Variants in STK35 observed in about 807,000 individuals in gnomAD.
STK35 encodes serine/threonine kinase 35, also known as serine/threonine-protein kinase 35.
A neutral mutation model predicts 37.3 loss-of-function variants in STK35; 17 were observed. That is an observed-to-expected ratio of 0.46 (90% CI 0.31 to 0.68). The LOEUF (loss-of-function observed/expected upper bound fraction) is 0.68, where lower values mean the gene tolerates loss of function less well. Among genes scored for constraint, STK35 ranks in the 30% least tolerant of loss-of-function variants. The probability of loss-of-function intolerance (pLI) is 0.05; values close to 1 mark genes in which losing one functional copy is unlikely to be tolerated. For synonymous variants in STK35, 385 were observed against 319.1 expected (o/e 1.21, Z -2.20); for missense variants, 595 against 746.7 (o/e 0.80, Z 2.37).
At chr20:2,138,865 A>G (rs923952629) in intron 3 of STK35, among the ~76,000 whole-genome samples, 15 of 152,266 alleles carry the variant, frequency 9.9e-5, no homozygotes, top group Admixed American at 6.5e-4. Context: ...CCCTACAAAA[A>G]TAAAAATTAA....
Position 2,145,823 on chromosome 20 carries a change from A to G in STK35, c.*2077A>G, listed in dbSNP as rs1435474575. On this transcript the variant is annotated 3_prime_UTR_variant, in exon 4 of 4. Coordinates refer to ENST00000381482, the MANE Select transcript of STK35 (RefSeq NM_080836.4). ...TCTGTACATGAGCAAATGGGCAAAA[A>G]CAGTCCCCAAACCCAGCACCCCCCT... 3.3e-5 allele frequency: 5 copies of G among 151,862 alleles called. No homozygotes were observed. Among genetic ancestry groups the G allele is most frequent in the Non-Finnish European group, 5.9e-5 (4 of 68,012 alleles). 9.4% of individuals were successfully genotyped at this position (151,862 alleles called of 1,614,324 possible). A position where few individuals can be genotyped will look rare whatever the true frequency, so the allele number is the denominator to read the frequency against.
rs1442808123 is a variant in STK35, at chr20:2,103,100, G to A, written c.627G>A (p.Gly209=). The change falls in exon 2 of 4, where the codon GGG becomes GGA. Residue 209 remains glycine, a synonymous_variant. Coordinates refer to ENST00000381482, the MANE Select transcript of STK35 (RefSeq NM_080836.4). ...GTTACAGCCTGTTGGCGGAGATCGG[G>A]CGCGGCAGCTACGGCGTGGTTTATG... ...RPRYSLLAEI[G]RGSYGVVYEA... is the part of the protein sequence containing the mutation. The A allele has an allele frequency of 6.2e-7, 1 of 1,600,106 alleles. No homozygotes were observed. The highest frequency in any genetic ancestry group is 8.5e-7 in the Non-Finnish European group (1 of 1,178,630).
chr20:2,109,967 C>T (rs1457207946), intron 2 of STK35, among the ~76,000 whole-genome samples: 2 of 152,202 alleles, frequency 1.3e-5, no homozygotes, highest in Non-Finnish European at 2.9e-5. Context: ...CTGTGTTTTG[C>T]CCTGGCAGCC....
chr20:2,141,728 T>C (rs936024153), intron 3 of STK35, among the ~76,000 whole-genome samples: 38 of 152,326 alleles, frequency 2.5e-4, no homozygotes, highest in African/African-American at 8.7e-4. Flanking sequence ...TTTACATAGT[T>C]ATGGTCATGC....
intron 3 of STK35, among the ~76,000 whole-genome samples, chr20:2,124,996 C>A (rs546471484): frequency 2.6e-5 from 4 of 151,672 alleles, no homozygotes; most frequent in Admixed American, 2.0e-4. Flanking sequence ...GATCATCTGT[C>A]CCTTGCAGCT....
chr20:2,140,741 A>C (rs549313777), intron 3 of STK35, among the ~76,000 whole-genome samples: 4 of 152,280 alleles, frequency 2.6e-5, no homozygotes, highest in African/African-American at 7.2e-5. Flanking sequence ...CCTTTGGGAA[A>C]TGTCAGCTTC....
At chr20:2,118,752 G>T (rs1985765331) in intron 3 of STK35, among the ~76,000 whole-genome samples, 2 of 152,198 alleles carry the variant, frequency 1.3e-5, no homozygotes, top group South Asian at 4.1e-4. Flanking sequence ...ATGTTATAGT[G>T]CATATTATGG....
chr20:2,107,209 C>T (rs1600598948), intron 2 of STK35, among the ~76,000 whole-genome samples: 1 of 152,344 alleles, frequency 6.6e-6, no homozygotes, highest in East Asian at 1.9e-4. Flanking sequence ...GTCAGAAATT[C>T]TGTTGCTTTG....
At chr20:2,134,501 C>G (rs919353255) in intron 3 of STK35, among the ~76,000 whole-genome samples, 1 of 152,166 alleles carries the variant, frequency 6.6e-6, no homozygotes, top group Non-Finnish European at 1.5e-5. Flanking sequence ...TAGTTTTTGC[C>G]TTAATAAATA....
chr20:2,134,217 G>A (rs1298029686), intron 3 of STK35, among the ~76,000 whole-genome samples: 5 of 147,008 alleles, frequency 3.4e-5, no homozygotes, highest in Admixed American at 6.9e-5. Flanking sequence ...CTGAGATGGT[G>A]CCACTGCACT....
Position 2,145,411 on chromosome 20 carries a change from G to A in STK35, c.*1665G>A, listed in dbSNP as rs1429583828. On this transcript the variant is annotated 3_prime_UTR_variant, in exon 4 of 4. Coordinates refer to ENST00000381482, the MANE Select transcript of STK35 (RefSeq NM_080836.4). ...GGTTGGCGGGCATTTCCGTTTCTAT[G>A]TGACCAAGGCAGCAGGGGCTTTTAC... The A allele has an allele frequency of 6.6e-6, 1 of 152,024 alleles. No individual in the cohort carries two copies. The highest frequency in any genetic ancestry group is 2.4e-5 in the African/African-American group (1 of 41,372). The allele number at this position is 152,024 out of a possible 1,614,324, so 9.4% of individuals were successfully genotyped here.
chr20:2,142,802 G>A (rs1251797589), intron 3 of STK35, among the ~76,000 whole-genome samples: 1 of 152,184 alleles, frequency 6.6e-6, no homozygotes, highest in African/African-American at 2.4e-5. Flanking sequence ...CTGGAGCACT[G>A]TTGCCCTAGA....
chr20:2,123,938 C>T (rs1437355027), intron 3 of STK35, among the ~76,000 whole-genome samples: 1 of 152,130 alleles, frequency 6.6e-6, no homozygotes, highest in African/African-American at 2.4e-5. Flanking sequence ...ACCAAAACGG[C>T]AGTGATTCAT....
intron 3 of STK35, among the ~76,000 whole-genome samples, chr20:2,142,736 G>A (rs2122592725): frequency 6.6e-6 from 1 of 152,318 alleles, no homozygotes; most frequent in East Asian, 1.9e-4. Flanking sequence ...CAGCCTGGGT[G>A]ACAGAGCAAG....
intron 2 of STK35, among the ~76,000 whole-genome samples, chr20:2,112,829 T>C (rs1249829577): frequency 6.6e-6 from 1 of 152,262 alleles, no homozygotes; most frequent in Non-Finnish European, 1.5e-5. Context: ...ATTAATCTTA[T>C]ACAACTGTCA....
chr20:2,107,320 A>C (rs1985534402), intron 2 of STK35, among the ~76,000 whole-genome samples: 1 of 152,256 alleles, frequency 6.6e-6, no homozygotes, highest in African/African-American at 2.4e-5. Context: ...CAGAATAGTT[A>C]GAAGTTTGGG....
At chr20:2,111,209 C>T (rs570945459) in intron 2 of STK35, among the ~76,000 whole-genome samples, 2 of 152,310 alleles carry the variant, frequency 1.3e-5, no homozygotes, top group African/African-American at 2.4e-5. Context: ...CTCCCATCGC[C>T]AACCCCTCAT....
chr20:2,103,066 C>T lies in STK35; in HGVS notation c.593C>T (p.Ala198Val), dbSNP rs779651874. The stretch of plus-strand genomic sequence containing the variant: ...CGGCCTGAGGGCGGTGGCGGGTCCG[C>T]GCGGCCGCGTTACAGCCTGTTGGCG... ...RRRPEGGGGS[A>V]RPRYSLLAEI... is the part of the protein sequence containing the mutation. The change falls in exon 2 of 4, where the codon GCG (alanine) becomes GTG (valine). Residue 198 changes from alanine (A) to valine (V), a missense_variant. By Grantham distance (64) the Ala-to-Val change is moderately conservative. Coordinates refer to ENST00000381482, the MANE Select transcript of STK35 (RefSeq NM_080836.4). The T allele has an allele frequency of 1.3e-6, 2 of 1,576,680 alleles. No individual in the cohort carries two copies. Among genetic ancestry groups the T allele is most frequent in the South Asian group, 2.3e-5 (2 of 88,112 alleles).
chr20:2,107,476 A>G (rs1985538114), intron 2 of STK35, among the ~76,000 whole-genome samples: 1 of 152,208 alleles, frequency 6.6e-6, no homozygotes, highest in Non-Finnish European at 1.5e-5. Flanking sequence ...GAGCCAGGCT[A>G]CTATAAGAGG....
Sources: gnomAD v4.1 joint callset for allele counts (sites outside exome capture counted in the v4.1 genomes callset) on GRCh38, gnomAD v4.1.1 for gene constraint, MANE v1.5 for transcripts, NCBI Gene and HGNC (gene_info 2026-07-23, HGNC 2026-07-21) for gene names.